The following TLE3 variants were observed in gnomAD, a reference collection of about 807,000 sequenced individuals.
The protein encoded by TLE3 is TLE family member 3, transcriptional corepressor.
A neutral mutation model predicts 93.0 loss-of-function variants in TLE3; 14 were observed. The observed-to-expected ratio is 0.15, with a 90% CI of 0.10 to 0.24. The LOEUF (loss-of-function observed/expected upper bound fraction) is 0.24. Ranked by LOEUF, TLE3 falls within the 10% of genes least tolerant of loss-of-function variation. The probability of loss-of-function intolerance (pLI) is 1.00; values close to 1 mark genes in which losing one functional copy is unlikely to be tolerated. For synonymous variants in TLE3, 451 were observed against 425.0 expected, an observed-to-expected ratio of 1.06 and a Z score of -0.75; for missense variants, 693 against 1,046.6, an observed-to-expected ratio of 0.66 and a Z score of 4.66.
chr15:70,097,892 C>A lies in TLE3; in HGVS notation c.-1094G>T, dbSNP rs551797123. 1 of 287,700 alleles carries A rather than the reference C, an allele frequency of 3.5e-6. No homozygotes were observed. The highest frequency in any genetic ancestry group is 6.4e-6 in the Non-Finnish European group (1 of 155,580). 17.8% of individuals were successfully genotyped at this position (287,700 alleles called of 1,614,324 possible). ...GGGACGAGCACGAGGTCTGAACTGC[C>A]GCGAGAGCAGTTCCAAATAGGGACT... On this transcript the variant is annotated 5_prime_UTR_variant, in exon 1 of 20. Transcript: ENST00000451782.
chr15:70,087,677 TTCAGGCCCCAACAGGGTTTCCCTGGCCTC>T lies in TLE3; in HGVS notation c.234+6826_234+6854del, dbSNP rs533809712. ...TGGGAGAGAACAGGACAACATAGACTTCAGGCCCCAACAGGGTTTCCCTGGCCTCTCAGGCCCCACAGATGGGAAGTTGC... is the reference window on the plus strand; with the variant it reads ...TGGGAGAGAACAGGACAACATAGACTTCAGGCCCCACAGATGGGAAGTTGC... On this transcript the variant is annotated intron_variant, in intron 4 of 19. Transcript: ENST00000451782. 1.1e-3 allele frequency among the ~76,000 whole-genome samples: 169 copies of T among 152,312 alleles called. 5 individuals are homozygous for T. In the South Asian group the frequency reaches 0.034, roughly 31 times the overall value.
intron 13 of TLE3, 90 bp from the exon 14 acceptor site, chr15:70,056,464 T>C (rs893646981): frequency 7.9e-6 from 9 of 1,144,266 alleles, no homozygotes; most frequent in Admixed American, 3.7e-5. Context: ...GGGTCCTACC[T>C]GCACGGCTCT....
chr15:70,066,833 A>T (rs1759670229), intron 6 of TLE3: 1 of 246,150 alleles, frequency 4.1e-6, no homozygotes, highest in Non-Finnish European at 8.8e-6. Context: ...GGAAGAGTGG[A>T]GGCTTTGGAA....
Position 70,097,303 on chromosome 15 carries a change from G to A in TLE3, c.-505C>T, listed in dbSNP as rs942493237. 1 of 401,242 alleles carries A rather than the reference G, an allele frequency of 2.5e-6. No homozygotes were observed. Among genetic ancestry groups the A allele is most frequent in the Non-Finnish European group, 4.4e-6 (1 of 227,934 alleles). 24.9% of individuals were successfully genotyped at this position (401,242 alleles called of 1,614,324 possible). A position where few individuals can be genotyped will look rare whatever the true frequency, so the allele number is the denominator to read the frequency against. On this transcript the variant is annotated 5_prime_UTR_variant, in exon 1 of 20. Transcript: ENST00000451782. ...CCGATCCTAGAGGCGTCCGGGCCTG[G>A]GGCTCGCGGCGAGAAGAGGAAGGAG...
chr15:70,067,693 A>G (rs1320587189), intron 6 of TLE3, among the ~76,000 whole-genome samples: 3 of 152,236 alleles, frequency 2.0e-5, no homozygotes, highest in Non-Finnish European at 2.9e-5. Context: ...GGAGGCAGTA[A>G]GCATTTCAGG....
intron 8 of TLE3, among the ~76,000 whole-genome samples, chr15:70,063,328 G>A (rs761784346): frequency 3.3e-5 from 5 of 152,222 alleles, no homozygotes; most frequent in Non-Finnish European, 7.3e-5. Context: ...TCAGTACCGA[G>A]GCAGTGAACA....
chr15:70,076,145 T>C lies in TLE3; in HGVS notation c.248A>G (p.Lys83Arg). Residue 83 changes from lysine to arginine, a missense_variant, in exon 5 of 20, where the codon AAG becomes AGG. Physicochemically the swap from Lys to Arg is conservative, Grantham distance 26. Around this residue, in one of 4 missense-constraint regions of TLE3, gnomAD observed 104 missense variants for 173.8 expected, o/e 0.60. Transcript: ENST00000451782. ...CTGTGCTAAAATTGTGTTCAGTCTCTTCGCAATCTCTGTCTGCAAAGGCAA... is the reference window on the plus strand; with the variant it reads ...CTGTGCTAAAATTGTGTTCAGTCTCCTCGCAATCTCTGTCTGCAAAGGCAA... The part of the protein sequence containing the change: ...IEMHKQTEIA[K>R]RLNTILAQIM... 9.9e-6 allele frequency: 16 copies of C among 1,613,998 alleles called. No individual in the cohort carries two copies. Among genetic ancestry groups the C allele is most frequent in the Non-Finnish European group, 1.4e-5 (16 of 1,179,860 alleles).
chr15:70,096,011 C>A, intron 2 of TLE3, 150 bp downstream of exon 2: 1 of 963,688 alleles, frequency 1.0e-6, no homozygotes, highest in Non-Finnish European at 1.5e-6. Context: ...TAAGGCGGCG[C>A]GCTCGGAAAG....
chr15:70,061,619 C>G (rs1053089708), intron 8 of TLE3, among the ~76,000 whole-genome samples: 1 of 152,256 alleles, frequency 6.6e-6, no homozygotes, highest in East Asian at 1.9e-4. Flanking sequence ...GCCAGCAAAC[C>G]TCTGTGCCCA....
At position 70,064,455 on chromosome 15, in the gene TLE3, G is replaced by A. The variant is rs750276840; in HGVS notation, c.593C>T (p.Ala198Val). The A allele has an allele frequency of 3.5e-5, 57 of 1,613,874 alleles. No individual in the cohort carries two copies. In the East Asian group the frequency reaches 1.0e-3, roughly 28 times the overall value. Residue 198 changes from alanine (A) to valine (V), a missense_variant and splice_region_variant, in exon 8 of 20, where the codon GCG becomes GTG. Ala to Val is a moderately conservative substitution (Grantham distance 64). This residue lies in a region of TLE3 where 405 missense variants were observed against 468.9 expected (regional missense o/e 0.86). Coordinates refer to ENST00000451782, the MANE Select transcript of TLE3 (RefSeq NM_001105192.3). ...GGGTTCCAGAGTGCCAACACTTACC[G>A]CACTGGATTCTCTCTCTTTGGGGAA... is the stretch of plus-strand genomic sequence containing the variant. ...ELDHRERESS[A>V]NNSVSPSESL... is the part of the protein sequence containing the mutation.
chr15:70,094,688 G>A (rs1462846753), intron 3 of TLE3, 112 bp from the exon 4 acceptor site: 2 of 804,946 alleles, frequency 2.5e-6, no homozygotes, highest in Admixed American at 2.9e-5. Flanking sequence ...CGATACATTT[G>A]CTAAAGAAGT....
intron 5 of TLE3, among the ~76,000 whole-genome samples, chr15:70,075,194 A>T (rs2057378297): frequency 6.6e-6 from 1 of 152,242 alleles, no homozygotes; most frequent in Non-Finnish European, 1.5e-5. Context: ...AATGTAAACT[A>T]CGGACTTTGG....
At chr15:70,053,843 A>C in intron 16 of TLE3, 1 of 159,754 alleles carries the variant, frequency 6.3e-6, no homozygotes, top group Non-Finnish European at 1.4e-5. Context: ...CTATCTCTTC[A>C]TCCTGCATGA....
At chr15:70,089,405 A>C (rs2058194599) in intron 4 of TLE3, among the ~76,000 whole-genome samples, 1 of 152,072 alleles carries the variant, frequency 6.6e-6, no homozygotes, top group Non-Finnish European at 1.5e-5. Context: ...GTCCCCTAAT[A>C]ACTGCTTTGG....
intron 13 of TLE3, among the ~76,000 whole-genome samples, chr15:70,056,769 TTTA>T (rs1595874640): frequency 6.6e-6 from 1 of 152,174 alleles, no homozygotes; most frequent in East Asian, 1.9e-4. Context: ...TCTTTTTATT[TTTA>T]TTTTTTTGAG....
chr15:70,081,640 G>A (rs1335097363), intron 4 of TLE3, among the ~76,000 whole-genome samples: 13 of 152,356 alleles, frequency 8.5e-5, no homozygotes, highest in Admixed American at 6.5e-5. Flanking sequence ...GTAATTCCAC[G>A]TCTGTGAGAC....
At position 70,054,608 on chromosome 15, in the gene TLE3, C is replaced by T. The variant is rs539311700; in HGVS notation, c.1656G>A (p.Thr552=). ...RTLIVGGEAS[T]LTIWDLASPT... is the part of the protein sequence containing the mutation. The stretch of plus-strand genomic sequence containing the variant: ...GCGAGGCCAGGTCCCAGATGGTGAG[C>T]GTGCTGGCCTCGCCGCCCACGATGA... Residue 552 remains threonine (T), a synonymous_variant, in exon 16 of 20, where the codon ACG becomes ACA. Transcript: ENST00000451782. 15 of 1,612,760 alleles carry T rather than the reference C, an allele frequency of 9.3e-6. No individual in the cohort carries two copies. The highest frequency in any genetic ancestry group is 6.7e-5 in the East Asian group (3 of 44,818).
At chr15:70,064,351 G>T in intron 8 of TLE3, 103 bp downstream of exon 8, 1 of 1,426,034 alleles carries the variant, frequency 7.0e-7, no homozygotes, top group Non-Finnish European at 9.7e-7. Context: ...GCCAGCTTTG[G>T]ATACCGACTG....
intron 2 of TLE3, 59 bp from the exon 3 acceptor site, chr15:70,095,700 C>T: frequency 6.5e-7 from 1 of 1,541,816 alleles, no homozygotes; most frequent in Non-Finnish European, 8.8e-7. Context: ...CTCTGAGGCC[C>T]CGACCCAAGG....
Sources: allele counts gnomAD v4.1 joint callset (sites outside exome capture counted in the v4.1 genomes callset), GRCh38; gene constraint gnomAD v4.1.1; regional missense constraint gnomAD v4.1.1; transcripts MANE v1.5; gene names NCBI Gene and HGNC (gene_info 2026-07-23, HGNC 2026-07-21).